Variants in CCDC7 observed in about 807,000 individuals in gnomAD.
The protein encoded by CCDC7 is coiled-coil domain-containing protein 7.
A neutral mutation model predicts 196.9 loss-of-function variants in CCDC7; 183 were observed. The ratio of observed to expected loss-of-function variants is 0.93; its 90% CI spans 0.82 to 1.05. The LOEUF is 1.05. Among genes scored for constraint, CCDC7 ranks in the 50% least tolerant of loss-of-function variants. CCDC7 has a pLI of 0.00. For synonymous variants in CCDC7, 525 were observed against 484.6 expected (o/e 1.08, Z -1.10); for missense variants, 1,540 against 1,482.2 (o/e 1.04, Z -0.64).
chr10:32,757,316 A>G (rs924708393), intron 28 of CCDC7, among the ~76,000 whole-genome samples: 4 of 151,902 alleles, frequency 2.6e-5, no homozygotes, highest in Non-Finnish European at 5.9e-5. Flanking sequence ...TCAGCAGCAC[A>G]TCACACTTAT....
At chr10:32,735,982 G>A (rs2084795682) in intron 28 of CCDC7, among the ~76,000 whole-genome samples, 1 of 152,078 alleles carries the variant, frequency 6.6e-6, no homozygotes, top group Non-Finnish European at 1.5e-5. Context: ...ATATTTATGT[G>A]ATTCTTTTTA....
intron 20 of CCDC7, among the ~76,000 whole-genome samples, chr10:32,655,338 T>C (rs2069597387): frequency 2.0e-5 from 3 of 152,164 alleles, no homozygotes; most frequent in African/African-American, 7.2e-5. Context: ...ATATTTTCAA[T>C]TGCACCAACA....
At chr10:32,657,507 G>A (rs1423474406) in intron 20 of CCDC7, among the ~76,000 whole-genome samples, 1 of 152,212 alleles carries the variant, frequency 6.6e-6, no homozygotes, top group Admixed American at 6.5e-5. Flanking sequence ...TGAAGCAATG[G>A]TCTGAGCTGT....
At chr10:32,498,643 G>C (rs994567593) in intron 9 of CCDC7, among the ~76,000 whole-genome samples, 6 of 152,084 alleles carry the variant, frequency 3.9e-5, no homozygotes, top group African/African-American at 1.4e-4. Flanking sequence ...TGCTTAGGAA[G>C]CTTAGTTTGG....
intron 25 of CCDC7, among the ~76,000 whole-genome samples, chr10:32,723,443 A>G (rs564734984): frequency 6.6e-6 from 1 of 152,226 alleles, no homozygotes; most frequent in East Asian, 1.9e-4. Context: ...GAGTCTTGTT[A>G]ACAGTCTCAT....
intron 41 of CCDC7, among the ~76,000 whole-genome samples, chr10:32,854,962 A>T (rs1195075728): frequency 6.6e-6 from 1 of 152,204 alleles, no homozygotes; most frequent in African/African-American, 2.4e-5. Flanking sequence ...TTAAAGGTAT[A>T]TATCATTTTA....
At chr10:32,846,442 A>G in exon 37 of CCDC7, 5 of 1,596,082 alleles carry the variant, frequency 3.1e-6, no homozygotes, top group Non-Finnish European at 4.3e-6. Context: ...ATCAGTGCAC[A>G]ATTAAAGAGT....
intron 18 of CCDC7, among the ~76,000 whole-genome samples, chr10:32,584,773 A>AG (rs2059089055): frequency 6.6e-6 from 1 of 150,954 alleles, no homozygotes; most frequent in Non-Finnish European, 1.5e-5. Context: ...AAAAAAAAAA[A>AG]AAAAGATTGG....
rs2051821386 is a variant in CCDC7, at chr10:32,543,267, C to T, written c.994-33C>T. ...TTTCTATAACTTATTGTGTTTTTAA[C>T]CCTTTATTTCTGGCTTATGTAAAAT... On this transcript the variant is annotated intron_variant, in intron 11 of 41. Transcript: ENST00000639629. The T allele has an allele frequency of 3.0e-6, 4 of 1,348,766 alleles. No homozygotes were observed. The Admixed American group carries it at 1.0e-4, about 34-fold the overall frequency. 83.5% of individuals were successfully genotyped at this position (1,348,766 alleles called of 1,614,324 possible). A position where few individuals can be genotyped will look rare whatever the true frequency, so the allele number is the denominator to read the frequency against.
chr10:32,843,398 T>G (rs985605910), intron 33 of CCDC7, among the ~76,000 whole-genome samples: 1 of 152,148 alleles, frequency 6.6e-6, no homozygotes, highest in Admixed American at 6.6e-5. Context: ...GGAATTTGAT[T>G]AGTATAAACT....
At chr10:32,675,176 T>C (rs2140886612) in intron 21 of CCDC7, among the ~76,000 whole-genome samples, 1 of 152,212 alleles carries the variant, frequency 6.6e-6, no homozygotes, top group East Asian at 1.9e-4. Flanking sequence ...CCTATCTTCC[T>C]CTCTTTCTGC....
chr10:32,752,558 C>G (rs547751215), intron 28 of CCDC7, among the ~76,000 whole-genome samples: 2 of 152,122 alleles, frequency 1.3e-5, no homozygotes, highest in South Asian at 2.1e-4. Flanking sequence ...TTCAGGTCCC[C>G]CCTTTTGTGT....
chr10:32,552,982 G>T (rs115222239), intron 13 of CCDC7, among the ~76,000 whole-genome samples: 2,919 of 152,078 alleles, frequency 0.019, 95 homozygotes, highest in African/African-American at 0.066. Flanking sequence ...CAAGGCTGGG[G>T]AAGTTTTCCT....
At chr10:32,700,738 T>C (rs548099089) in intron 24 of CCDC7, among the ~76,000 whole-genome samples, 1 of 152,332 alleles carries the variant, frequency 6.6e-6, no homozygotes, top group South Asian at 2.1e-4. Context: ...CATTGAGCAG[T>C]GGTTTGTAGT....
chr10:32,509,451 G>A (rs116960005), intron 9 of CCDC7, among the ~76,000 whole-genome samples: 15 of 149,310 alleles, frequency 1.0e-4, no homozygotes, highest in East Asian at 7.9e-4. Context: ...AAAACTCCTC[G>A]ATGAAAACAT....
chr10:32,700,461 T>C (rs1565193076), intron 24 of CCDC7, among the ~76,000 whole-genome samples: 2 of 151,686 alleles, frequency 1.3e-5, no homozygotes, highest in Non-Finnish European at 2.9e-5. Flanking sequence ...ACTGCAGCCT[T>C]GTAGTATAGT....
At chr10:32,835,076 T>C (rs886075918) in intron 33 of CCDC7, among the ~76,000 whole-genome samples, 178 bp downstream of exon 34, 1 of 152,154 alleles carries the variant, frequency 6.6e-6, no homozygotes, top group South Asian at 2.1e-4. Context: ...TAGTTAGATA[T>C]GATTAGTTTT....
At chr10:32,814,575 A>T (rs1237721632) in intron 31 of CCDC7, 122 bp downstream of exon 32, 2 of 649,026 alleles carry the variant, frequency 3.1e-6, no homozygotes, top group East Asian at 5.2e-5. Flanking sequence ...AAAAGTCTTT[A>T]TGAATTCCCC....
intron 6 of CCDC7, 91 bp downstream of exon 7, chr10:32,471,321 G>A: frequency 7.1e-7 from 1 of 1,417,912 alleles, no homozygotes; most frequent in Non-Finnish European, 9.4e-7. Flanking sequence ...CAGATATGAT[G>A]GCTATACACA....
Sources: gnomAD v4.1 joint callset for allele counts (sites outside exome capture counted in the v4.1 genomes callset) on GRCh38, gnomAD v4.1.1 for gene constraint, MANE v1.5 for transcripts, NCBI Gene and HGNC (gene_info 2026-07-23, HGNC 2026-07-21) for gene names.